The following SLC35D4 variants were observed in gnomAD, a reference collection of about 807,000 sequenced individuals.
SLC35D4 encodes the protein UDP-N-acetylglucosamine transporter SLC35D4.
chr18:23,315,894 C>G, the SLC35D4 span, among the ~76,000 whole-genome samples: 1 of 152,166 alleles, frequency 6.6e-6, no homozygotes, highest in Admixed American at 6.5e-5. Context: ...AAGGAAGGAA[C>G]ATTTTATTGG....
At chr18:23,318,475 A>G in the SLC35D4 span, among the ~76,000 whole-genome samples, 5 of 152,290 alleles carry the variant, frequency 3.3e-5, no homozygotes, top group African/African-American at 1.2e-4. Flanking sequence ...GGTATGTGCC[A>G]TGGTCATATT....
At chr18:23,389,736 G>T in the SLC35D4 span, among the ~76,000 whole-genome samples, 1 of 152,040 alleles carries the variant, frequency 6.6e-6, no homozygotes, top group East Asian at 1.9e-4. Flanking sequence ...ATGAGGTTTT[G>T]CCATGTTGAT....
chr18:23,239,039 G>T, the SLC35D4 span, among the ~76,000 whole-genome samples: 1 of 152,186 alleles, frequency 6.6e-6, no homozygotes, highest in South Asian at 2.1e-4. Flanking sequence ...CCTTTTATAG[G>T]CCTAGTGTTG....
At chr18:23,275,618 TG>T in the SLC35D4 span, among the ~76,000 whole-genome samples, 3 of 135,918 alleles carry the variant, frequency 2.2e-5, no homozygotes, top group Admixed American at 1.4e-4. Context: ...TGTGCTGTGC[TG>T]TGCTGTGCTG....
chr18:23,358,073 G>T, the SLC35D4 span, among the ~76,000 whole-genome samples: 1 of 152,216 alleles, frequency 6.6e-6, no homozygotes, highest in Admixed American at 6.5e-5. Context: ...GGGGACCCCA[G>T]ACCTAGAGAG....
the SLC35D4 span, among the ~76,000 whole-genome samples, chr18:23,391,582 G>A: frequency 6.6e-6 from 1 of 152,154 alleles, no homozygotes; most frequent in South Asian, 2.1e-4. Context: ...CAAACTCCTG[G>A]GCTCAAGTGA....
the SLC35D4 span, among the ~76,000 whole-genome samples, chr18:23,321,051 GCTAGTTTCTCTTTCCCTAATATT>G: frequency 1.3e-5 from 2 of 152,032 alleles, no homozygotes; most frequent in African/African-American, 4.8e-5. Flanking sequence ...CCTAAACTCT[GCTAGTTTCTCTTTCCCTAATATT>G]TCCTCTTTTT....
the SLC35D4 span, among the ~76,000 whole-genome samples, chr18:23,431,710 T>G: frequency 6.6e-6 from 1 of 152,330 alleles, no homozygotes; most frequent in Non-Finnish European, 1.5e-5. Context: ...TCAGTTAAGG[T>G]CAATTTCTAT....
At chr18:23,240,787 C>T in the SLC35D4 span, among the ~76,000 whole-genome samples, 1 of 152,234 alleles carries the variant, frequency 6.6e-6, no homozygotes, top group East Asian at 1.9e-4. Flanking sequence ...GGACTGTCCT[C>T]CCCTGTTTTG....
the SLC35D4 span, among the ~76,000 whole-genome samples, chr18:23,389,439 T>C: frequency 6.6e-6 from 1 of 152,232 alleles, no homozygotes; most frequent in Non-Finnish European, 1.5e-5. Flanking sequence ...TCTCAAGCCA[T>C]TTTTTCTACT....
chr18:23,246,547 A>AC, the SLC35D4 span, among the ~76,000 whole-genome samples: 1 of 151,738 alleles, frequency 6.6e-6, no homozygotes, highest in Non-Finnish European at 1.5e-5. Context: ...ACCCGCCACC[A>AC]CACCCGGCTA....
At chr18:23,375,039 C>T in the SLC35D4 span, among the ~76,000 whole-genome samples, 2 of 151,288 alleles carry the variant, frequency 1.3e-5, no homozygotes, top group Non-Finnish European at 2.9e-5. Context: ...CACTTGAACC[C>T]GGGAGGCAGA....
At chr18:23,351,919 A>G in the SLC35D4 span, among the ~76,000 whole-genome samples, 1 of 152,200 alleles carries the variant, frequency 6.6e-6, no homozygotes, top group Non-Finnish European at 1.5e-5. Flanking sequence ...CCCCTTGTGT[A>G]AGTCACTTGA....
At chr18:23,356,803 TC>T in the SLC35D4 span, 2 of 657,552 alleles carry the variant, frequency 3.0e-6, no homozygotes, top group Non-Finnish European at 2.7e-6. The surrounding 1 kb of genome is among the most constrained non-coding windows in gnomAD (Gnocchi z 4.1). Context: ...ACTCCAGCAT[TC>T]CCAGGGATTC....
chr18:23,294,463 T>C, the SLC35D4 span, among the ~76,000 whole-genome samples: 4 of 152,232 alleles, frequency 2.6e-5, no homozygotes, highest in Middle Eastern at 3.4e-3. Flanking sequence ...CAAGAACCAA[T>C]AGAAACTGAC....
the SLC35D4 span, among the ~76,000 whole-genome samples, chr18:23,392,723 C>A: frequency 6.6e-6 from 1 of 152,172 alleles, no homozygotes; most frequent in Non-Finnish European, 1.5e-5. Context: ...GGTGGGCGGA[C>A]TTGCCTGCTC....
At chr18:23,299,604 A>C in the SLC35D4 span, among the ~76,000 whole-genome samples, 1 of 152,186 alleles carries the variant, frequency 6.6e-6, no homozygotes, top group Non-Finnish European at 1.5e-5. Context: ...GTAATTTCTT[A>C]CAACCCCGCC....
the SLC35D4 span, among the ~76,000 whole-genome samples, chr18:23,249,650 C>G: frequency 6.6e-6 from 1 of 152,174 alleles, no homozygotes; most frequent in Non-Finnish European, 1.5e-5. Flanking sequence ...GCAGCCCCAT[C>G]AGGTTTTCTC....
At chr18:23,401,372 T>C in the SLC35D4 span, among the ~76,000 whole-genome samples, 1 of 152,176 alleles carries the variant, frequency 6.6e-6, no homozygotes, top group Non-Finnish European at 1.5e-5. Flanking sequence ...ACTCAGATAA[T>C]TGACCAAGCA....
Sources: gnomAD v4.1 joint callset for allele counts (sites outside exome capture counted in the v4.1 genomes callset) on GRCh38, gnomAD v4.1.1 for gene constraint, Gnocchi (gnomAD v3.1) non-coding constraint, MANE v1.5 for transcripts, NCBI Gene and HGNC (gene_info 2026-07-23, HGNC 2026-07-21) for gene names.